The following PAPPA variants were observed in gnomAD, a reference collection of about 807,000 sequenced individuals.
The protein encoded by PAPPA is pappalysin-1.
A neutral mutation model predicts 164.0 loss-of-function variants in PAPPA; 60 were observed. That is an observed-to-expected ratio of 0.37 (90% CI 0.30 to 0.45). The LOEUF is 0.45. Among genes scored for constraint, PAPPA ranks in the 20% least tolerant of loss-of-function variants. The pLI is 1.00. For synonymous variants in PAPPA, 875 were observed against 814.1 expected, an observed-to-expected ratio of 1.07 and a Z score of -1.27; for missense variants, 1,782 against 2,087.3, an observed-to-expected ratio of 0.85 and a Z score of 2.85.
At chr9:116,168,880 C>G (rs1000864378) in intron 1 of PAPPA, among the ~76,000 whole-genome samples, 4 of 152,206 alleles carry the variant, frequency 2.6e-5, no homozygotes, top group African/African-American at 9.6e-5. Context: ...CCCCAATTGT[C>G]TCTGAGCTCC....
Position 116,154,056 on chromosome 9 carries a change from G to T in PAPPA, c.-117G>T. On this transcript the variant is annotated 5_prime_UTR_variant, in exon 1 of 22. Transcript: ENST00000328252. The surrounding 1 kb of genome is among the most constrained non-coding windows in gnomAD (Gnocchi z 5.2). Reference sequence around the variant, plus strand: ...AGAAAAGAAAAAAGCAAGTGGAAAGGGGGGCTCGCCCAAGAAGGGTGAAGA... The same window carrying T: ...AGAAAAGAAAAAAGCAAGTGGAAAGTGGGGCTCGCCCAAGAAGGGTGAAGA... 8.7e-7 allele frequency: 1 copy of T among 1,148,092 alleles called. No homozygotes were observed. The highest frequency in any genetic ancestry group is 2.0e-5 in the South Asian group (1 of 49,290). The allele number at this position is 1,148,092 out of a possible 1,614,324, so 71.1% of individuals were successfully genotyped here. A position where few individuals can be genotyped will look rare whatever the true frequency, so the allele number is the denominator to read the frequency against.
intron 1 of PAPPA, among the ~76,000 whole-genome samples, chr9:116,163,233 G>C (rs1437487708): frequency 6.6e-6 from 1 of 152,172 alleles, no homozygotes; most frequent in African/African-American, 2.4e-5. Flanking sequence ...CATAATGTCA[G>C]GTGAATGTTT....
chr9:116,216,193 C>T (rs776254557), intron 4 of PAPPA, among the ~76,000 whole-genome samples: 1 of 152,202 alleles, frequency 6.6e-6, no homozygotes, highest in Non-Finnish European at 1.5e-5. Context: ...GTTATCCATT[C>T]ACTAGACATT....
intron 1 of PAPPA, among the ~76,000 whole-genome samples, chr9:116,181,531 T>A (rs1843904991): frequency 6.6e-6 from 1 of 152,230 alleles, no homozygotes; most frequent in East Asian, 1.9e-4. Flanking sequence ...AGACTGTATC[T>A]CCAAATACAG....
chr9:116,382,379 C>A lies in PAPPA; in HGVS notation c.4678-16C>A. On this transcript the variant is annotated splice_polypyrimidine_tract_variant and intron_variant, in intron 20 of 21. Transcript: ENST00000328252. Reference sequence around the variant, plus strand: ...GCTAACAAGGCCTCATTTCCTCCTTCTGTCTCCCTTTCCAGCCCTTCATGG... The same window carrying A: ...GCTAACAAGGCCTCATTTCCTCCTTATGTCTCCCTTTCCAGCCCTTCATGG... The A allele has an allele frequency of 6.4e-7, 1 of 1,567,748 alleles. No homozygotes were observed. The highest frequency in any genetic ancestry group is 1.1e-5 in the South Asian group (1 of 90,156).
chr9:116,372,995 C>T (rs192894751), intron 19 of PAPPA, among the ~76,000 whole-genome samples: 6 of 152,272 alleles, frequency 3.9e-5, no homozygotes, highest in African/African-American at 1.2e-4. Flanking sequence ...AACCCTCATA[C>T]ATGTCTTTTA....
chr9:116,318,512 A>T (rs1409341306), intron 10 of PAPPA: 1 of 152,174 alleles, frequency 6.6e-6, no homozygotes, highest in Non-Finnish European at 1.5e-5. Flanking sequence ...AAGAAAACAG[A>T]TCCCTGGGAG....
At chr9:116,221,793 G>C (rs1010971934) in intron 5 of PAPPA, among the ~76,000 whole-genome samples, 1 of 152,180 alleles carries the variant, frequency 6.6e-6, no homozygotes, top group African/African-American at 2.4e-5. Flanking sequence ...TTGTGTGTGT[G>C]TCAAAGACAT....
intron 9 of PAPPA, among the ~76,000 whole-genome samples, chr9:116,289,964 C>A (rs1411972689): frequency 1.3e-5 from 2 of 152,094 alleles, no homozygotes; most frequent in Non-Finnish European, 2.9e-5. Flanking sequence ...TGAGCTAAGA[C>A]CTAAACAAAA....
chr9:116,171,430 C>A (rs1407414751), intron 1 of PAPPA, among the ~76,000 whole-genome samples: 1 of 152,168 alleles, frequency 6.6e-6, no homozygotes, highest in African/African-American at 2.4e-5. Flanking sequence ...GTATTCTCAA[C>A]AACAAACACA....
chr9:116,350,728 T>C (rs1846270561), intron 15 of PAPPA, among the ~76,000 whole-genome samples: 3 of 152,192 alleles, frequency 2.0e-5, no homozygotes, highest in Admixed American at 2.0e-4. Flanking sequence ...GTGCATTAGC[T>C]GGGCACCCCA....
chr9:116,187,998 G>A lies in PAPPA; in HGVS notation c.1260G>A (p.Gly420=), dbSNP rs746726589. The change falls in exon 2 of 22, where the codon GGG becomes GGA. Residue 420 remains glycine, a synonymous_variant. Transcript: ENST00000328252. This position sits in a 1 kb window ranked among gnomAD's most constrained non-coding sequence, Gnocchi z 4.2. Reference sequence around the variant, plus strand: ...CCAACTGTGACATCAGCAAGATTGGGGATGAGAACTGTGACCCCGAGTGCA... The same window carrying A: ...CCAACTGTGACATCAGCAAGATTGGAGATGAGAACTGTGACCCCGAGTGCA... The part of the protein sequence containing the change: ...ILANCDISKI[G]DENCDPECNH... The A allele has an allele frequency of 2.1e-5, 34 of 1,614,190 alleles. No individual in the cohort carries two copies. The highest frequency in any genetic ancestry group is 2.7e-5 in the Non-Finnish European group (32 of 1,180,038).
chr9:116,396,831 A>G lies in PAPPA; in HGVS notation c.*215A>G. The G allele has an allele frequency of 1.7e-6, 1 of 579,642 alleles. No homozygotes were observed. Among genetic ancestry groups the G allele is most frequent in the South Asian group, 2.1e-5 (1 of 47,552 alleles). The allele number at this position is 579,642 out of a possible 1,614,324, so 35.9% of individuals were successfully genotyped here. A position where few individuals can be genotyped will look rare whatever the true frequency, so the allele number is the denominator to read the frequency against. Reference sequence around the variant, plus strand: ...GATGATGAAATGGATTCCCATCCCAAAGTCTGAGATGGATTGCATATACAG... The same window carrying G: ...GATGATGAAATGGATTCCCATCCCAGAGTCTGAGATGGATTGCATATACAG... On this transcript the variant is annotated 3_prime_UTR_variant, in exon 22 of 22. Coordinates refer to ENST00000328252, the MANE Select transcript of PAPPA (RefSeq NM_002581.5).
At chr9:116,164,556 C>A (rs1012837236) in intron 1 of PAPPA, among the ~76,000 whole-genome samples, 6 of 152,182 alleles carry the variant, frequency 3.9e-5, no homozygotes, top group African/African-American at 1.4e-4. Context: ...GTAGGGGCAG[C>A]GTACCACTAG....
At chr9:116,224,527 G>A (rs112566580) in intron 5 of PAPPA, among the ~76,000 whole-genome samples, 37 of 152,194 alleles carry the variant, frequency 2.4e-4, no homozygotes, top group African/African-American at 8.7e-4. Flanking sequence ...CCCAAAGATG[G>A]TATATAATAA....
chr9:116,278,696 T>C (rs1424347107), intron 9 of PAPPA, among the ~76,000 whole-genome samples: 1 of 151,934 alleles, frequency 6.6e-6, no homozygotes, highest in Non-Finnish European at 1.5e-5. Context: ...TTAATAAAGT[T>C]GTCATAGCAA....
chr9:116,334,396 A>G (rs1309049590), intron 12 of PAPPA, among the ~76,000 whole-genome samples: 1 of 152,142 alleles, frequency 6.6e-6, no homozygotes, highest in African/African-American at 2.4e-5. Context: ...CTTCCCTCTC[A>G]GGGCTGCTCC....
At chr9:116,233,846 T>C (rs1028543156) in intron 6 of PAPPA, among the ~76,000 whole-genome samples, 1 of 151,714 alleles carries the variant, frequency 6.6e-6, no homozygotes, top group Non-Finnish European at 1.5e-5. Context: ...TTCAGAAATG[T>C]CTAGGGTCAC....
chr9:116,320,383 G>A (rs554774804), intron 10 of PAPPA, among the ~76,000 whole-genome samples: 2 of 152,310 alleles, frequency 1.3e-5, no homozygotes, highest in South Asian at 4.1e-4. Context: ...GGCATCCAAT[G>A]CCAAGTTATC....
Sources: allele counts gnomAD v4.1 joint callset (sites outside exome capture counted in the v4.1 genomes callset), GRCh38; gene constraint gnomAD v4.1.1; non-coding constraint Gnocchi (gnomAD v3.1); transcripts MANE v1.5; gene names NCBI Gene and HGNC (gene_info 2026-07-23, HGNC 2026-07-21).